RNF128: variants seen among roughly 807,000 people sequenced by gnomAD.
RNF128 encodes E3 ubiquitin-protein ligase RNF128.
Under a neutral mutation model 26.2 loss-of-function variants are expected in RNF128, and 13 were observed. The ratio of observed to expected loss-of-function variants is 0.50; its 90% CI spans 0.32 to 0.79. The LOEUF is 0.79. RNF128 is among the 30% of genes least tolerant of loss of function. The probability of loss-of-function intolerance (pLI) is 0.03; values close to 1 mark genes in which losing one functional copy is unlikely to be tolerated. For synonymous variants in RNF128, 149 were observed against 142.5 expected (o/e 1.05, Z -0.32); for missense variants, 315 against 349.7 (o/e 0.90, Z 0.79).
chrX:106,766,342 G>C (rs1416090906), intron 1 of RNF128, among the ~76,000 whole-genome samples: 1 of 111,819 alleles, frequency 8.9e-6, no homozygotes, highest in Non-Finnish European at 1.9e-5. Context: ...ACAGTTAAAG[G>C]AGTTCCTATT....
chrX:106,776,557 A>C (rs138589993), intron 2 of RNF128, among the ~76,000 whole-genome samples: 1,733 of 111,941 alleles, frequency 0.015, 33 homozygotes, highest in African/African-American at 0.052. Context: ...CTAGGAATCA[A>C]TATTGGGAAA....
intron 2 of RNF128, 130 bp from the exon 3 acceptor site, chrX:106,784,935 G>A (rs975592751): frequency 2.1e-6 from 1 of 478,779 alleles, no homozygotes; most frequent in African/African-American, 2.5e-5. Context: ...GGCTAATTAA[G>A]TTTTATCTTT....
intron 1 of RNF128, among the ~76,000 whole-genome samples, chrX:106,758,747 A>G (rs1205511760): frequency 1.8e-5 from 2 of 111,882 alleles, no homozygotes; most frequent in Non-Finnish European, 3.8e-5. Flanking sequence ...GAATGAAACT[A>G]GACCCGTATC....
rs141655090 is a variant in RNF128, at chrX:106,721,629, C to T, written c.406+27221C>T. 6.2e-3 allele frequency among the ~76,000 whole-genome samples: 696 copies of T among 111,687 alleles called. 3 individuals carry two copies. The highest frequency in any genetic ancestry group is 0.014 in the Middle Eastern group (3 of 218). ...GCTCCTGGCCCATATATATCCTGGC[C>T]CATATATATCTCCCTCAATGGTCAC... On this transcript the variant is annotated intron_variant, in intron 1 of 6. Transcript: ENST00000324342.
intron 1 of RNF128, among the ~76,000 whole-genome samples, chrX:106,721,264 G>A (rs186655632): frequency 2.7e-5 from 3 of 111,813 alleles, no homozygotes; most frequent in Admixed American, 9.5e-5. Context: ...CTATGTTGTC[G>A]AGCTGTGTAT....
chrX:106,702,103 T>A (rs1475063987), intron 1 of RNF128, among the ~76,000 whole-genome samples: 1 of 109,613 alleles, frequency 9.1e-6, no homozygotes, highest in Admixed American at 9.7e-5. Flanking sequence ...GGTGCCCCCC[T>A]CCCCTGGGTA....
chrX:106,769,394 G>T (rs1272488714), intron 1 of RNF128, among the ~76,000 whole-genome samples: 3 of 110,956 alleles, frequency 2.7e-5, no homozygotes, highest in Non-Finnish European at 5.7e-5. Context: ...AAATCTGGGT[G>T]CTCCTGTATT....
intron 1 of RNF128, among the ~76,000 whole-genome samples, chrX:106,716,392 T>A (rs917840736): frequency 9.0e-6 from 1 of 110,961 alleles, no homozygotes; most frequent in Non-Finnish European, 1.9e-5. Context: ...GCAAAAACCA[T>A]AGGGAAAGAA....
chrX:106,768,669 C>A (rs1184037202), intron 1 of RNF128, among the ~76,000 whole-genome samples: 3 of 110,631 alleles, frequency 2.7e-5, no homozygotes, highest in Non-Finnish European at 3.8e-5. Context: ...AAAACCAGCT[C>A]CTGGATTCAT....
chrX:106,710,746 C>CAAAAAA (rs11326354), intron 1 of RNF128, among the ~76,000 whole-genome samples: 1 of 35,200 alleles, frequency 2.8e-5, no homozygotes, highest in Admixed American at 4.5e-4. Flanking sequence ...GAAAGTCTGT[C>CAAAAAA]AAAAAAAAAA....
intron 1 of RNF128, among the ~76,000 whole-genome samples, chrX:106,731,057 G>T (rs1047832042): frequency 4.4e-5 from 5 of 112,411 alleles, no homozygotes; most frequent in African/African-American, 1.6e-4. Context: ...TCCTAAGGTT[G>T]CTGGGATTCA....
At chrX:106,795,481 G>T (rs1180581220) in intron 6 of RNF128, 99 bp from the exon 7 acceptor site, 19 of 797,247 alleles carry the variant, frequency 2.4e-5, no homozygotes, top group Non-Finnish European at 3.2e-5. Context: ...AGTGTATGTT[G>T]AAATTAAATA....
chrX:106,734,625 T>TA (rs1929558822), intron 1 of RNF128, among the ~76,000 whole-genome samples: 1 of 111,807 alleles, frequency 8.9e-6, no homozygotes, highest in African/African-American at 3.3e-5. Flanking sequence ...CGAAGTATAA[T>TA]ATACATCCCA....
intron 1 of RNF128, among the ~76,000 whole-genome samples, chrX:106,758,119 G>A (rs1930057753): frequency 8.9e-6 from 1 of 112,472 alleles, no homozygotes; most frequent in African/African-American, 3.2e-5. Context: ...TAAATCAGTA[G>A]TATTTCTAGA....
intron 2 of RNF128, among the ~76,000 whole-genome samples, chrX:106,779,338 TAC>T (rs1354883328): frequency 1.0e-5 from 1 of 97,866 alleles, no homozygotes; most frequent in East Asian, 3.0e-4. Context: ...CATCTATCCC[TAC>T]ACAGTTACGT....
chrX:106,759,906 A>G (rs1217362973), intron 1 of RNF128, among the ~76,000 whole-genome samples: 2 of 111,555 alleles, frequency 1.8e-5, no homozygotes, highest in African/African-American at 6.5e-5. Context: ...CAATAACTTA[A>G]TGTACATTTT....
At chrX:106,739,855 C>A (rs1298799332) in intron 1 of RNF128, among the ~76,000 whole-genome samples, 1 of 111,240 alleles carries the variant, frequency 9.0e-6, no homozygotes, top group African/African-American at 3.3e-5. Context: ...CATGCAGAGG[C>A]ATCCCAAATT....
At chrX:106,754,410 CTTTTTTTTTTTTTTTTTTTT>C (rs150895665) in intron 1 of RNF128, among the ~76,000 whole-genome samples, 4 of 35,748 alleles carry the variant, frequency 1.1e-4, no homozygotes, top group African/African-American at 5.3e-4. Context: ...TTTTCTTTCT[CTTTTTTTTTTTTTTTTTTTT>C]TTTTTTTTTT....
intron 1 of RNF128, among the ~76,000 whole-genome samples, chrX:106,714,311 A>G (rs1208361116): frequency 8.9e-6 from 1 of 111,841 alleles, no homozygotes; most frequent in Non-Finnish European, 1.9e-5. Flanking sequence ...AACAAAAATA[A>G]TTTCCTAAAG....
Sources: allele counts gnomAD v4.1 joint callset (sites outside exome capture counted in the v4.1 genomes callset), GRCh38; gene constraint gnomAD v4.1.1; transcripts MANE v1.5; gene names NCBI Gene and HGNC (gene_info 2026-07-23, HGNC 2026-07-21).